Variants in CCNY observed in about 807,000 individuals in gnomAD.
The protein encoded by CCNY is cyclin Y.
A neutral mutation model predicts 42.8 loss-of-function variants in CCNY; 19 were observed. The ratio of observed to expected loss-of-function variants is 0.44; its 90% CI spans 0.31 to 0.65. The LOEUF (loss-of-function observed/expected upper bound fraction) is 0.65. Among genes scored for constraint, CCNY ranks in the 30% least tolerant of loss-of-function variants. The pLI is 0.07. For missense variants in CCNY, 370 were observed against 437.3 expected (o/e 0.85, Z 1.37); for synonymous variants, 165 against 162.7 (o/e 1.01, Z -0.11).
At chr10:35,542,556 T>A (rs1841025056) in intron 7 of CCNY, among the ~76,000 whole-genome samples, 1 of 152,192 alleles carries the variant, frequency 6.6e-6, no homozygotes, top group South Asian at 2.1e-4. Context: ...AGAAGAGTGC[T>A]TGTTACATCA....
At chr10:35,566,449 A>G (rs1419310370) in intron 9 of CCNY, among the ~76,000 whole-genome samples, 3 of 152,138 alleles carry the variant, frequency 2.0e-5, no homozygotes, top group Non-Finnish European at 4.4e-5. Context: ...AGTTAAAGCA[A>G]TTCTGCTTCA....
chr10:35,365,147 G>C (rs955494899), intron 1 of CCNY, among the ~76,000 whole-genome samples: 1 of 152,118 alleles, frequency 6.6e-6, no homozygotes, highest in Non-Finnish European at 1.5e-5. Context: ...TGTTTATTGA[G>C]CTGGTAACGT....
chr10:35,398,728 G>A (rs528205768), intron 1 of CCNY, among the ~76,000 whole-genome samples: 38 of 151,778 alleles, frequency 2.5e-4, no homozygotes, highest in Admixed American at 1.9e-3. Context: ...ACAAAAAACC[G>A]TAAAGTGACC....
At chr10:35,270,642 C>T (rs1030571743) in intron 3 of CCNY, among the ~76,000 whole-genome samples, 1 of 152,034 alleles carries the variant, frequency 6.6e-6, no homozygotes, top group East Asian at 1.9e-4. Context: ...ATCATGCTGT[C>T]GCTTTTTTGT....
intron 4 of CCNY, among the ~76,000 whole-genome samples, chr10:35,519,280 T>G (rs553382504): frequency 3.0e-3 from 453 of 151,836 alleles, no homozygotes; most frequent in African/African-American, 0.011. Context: ...ATCTGGATTT[T>G]TAACAGATCT....
intron 1 of CCNY, among the ~76,000 whole-genome samples, chr10:35,380,958 G>A (rs1420697704): frequency 2.0e-5 from 3 of 152,136 alleles, no homozygotes; most frequent in African/African-American, 4.8e-5. Context: ...GGCTTGAAGC[G>A]TCCGAGTACC....
chr10:35,325,009 C>CA (rs1835863328), intron 3 of CCNY, among the ~76,000 whole-genome samples: 1 of 152,170 alleles, frequency 6.6e-6, no homozygotes, highest in African/African-American at 2.4e-5. Flanking sequence ...TAAGTGTCAA[C>CA]ATACTATAAA....
In CCNY at chr10:35,426,319, G is replaced by T. The variant is rs1265064927; in HGVS notation, c.155-57085G>T. Among the ~76,000 whole-genome samples, 5 of 152,128 alleles carry T rather than the reference G, an allele frequency of 3.3e-5. No individual in the cohort carries two copies. In the South Asian group the frequency reaches 1.0e-3, roughly 32 times the overall value. On this transcript the variant is annotated intron_variant, in intron 1 of 9. Transcript: ENST00000374704. ...CTCAAACCTTCTCTGCAAACATGCT[G>T]TGTTGTCCAGTTTTCCAGCTGTCAG...
At chr10:35,508,961 A>G (rs1244960033) in intron 3 of CCNY, among the ~76,000 whole-genome samples, 2 of 152,084 alleles carry the variant, frequency 1.3e-5, no homozygotes, top group African/African-American at 2.4e-5. Context: ...TCTATTTTGG[A>G]TATTTTATAT....
chr10:35,532,400 G>A (rs943965884), intron 7 of CCNY, among the ~76,000 whole-genome samples: 5 of 152,224 alleles, frequency 3.3e-5, no homozygotes, highest in Non-Finnish European at 5.9e-5. Context: ...AGCCCTGGCC[G>A]TGCTTCCCAC....
intron 4 of CCNY, among the ~76,000 whole-genome samples, chr10:35,519,320 G>A (rs934237168): frequency 1.3e-5 from 2 of 151,988 alleles, no homozygotes; most frequent in African/African-American, 4.8e-5. Flanking sequence ...CATTCTCTGG[G>A]TATCTGGATT....
chr10:35,568,822 T>C (rs1376967049), intron 9 of CCNY, among the ~76,000 whole-genome samples: 1 of 152,238 alleles, frequency 6.6e-6, no homozygotes, highest in Admixed American at 6.5e-5. Flanking sequence ...TGTACTGTTA[T>C]TTCACATCCT....
intron 1 of CCNY, among the ~76,000 whole-genome samples, chr10:35,363,067 G>C (rs1201812520): frequency 6.6e-6 from 1 of 150,964 alleles, no homozygotes; most frequent in Non-Finnish European, 1.5e-5. Context: ...CTTCCCAGAT[G>C]GTGGGCCGCC....
At chr10:35,291,366 T>A (rs536277936) in intron 3 of CCNY, among the ~76,000 whole-genome samples, 1 of 152,276 alleles carries the variant, frequency 6.6e-6, no homozygotes, top group Non-Finnish European at 1.5e-5. Context: ...GGTACATCCA[T>A]GTTATAGCAT....
At chr10:35,462,268 A>G (rs939288322) in intron 1 of CCNY, among the ~76,000 whole-genome samples, 1 of 152,212 alleles carries the variant, frequency 6.6e-6, no homozygotes, top group South Asian at 2.1e-4. Flanking sequence ...GCTCGTTTTG[A>G]TGCCTCTTTA....
intron 2 of CCNY, among the ~76,000 whole-genome samples, chr10:35,489,042 G>C (rs1259325892): frequency 6.6e-6 from 1 of 152,182 alleles, no homozygotes; most frequent in Non-Finnish European, 1.5e-5. Context: ...CACTTTGGGA[G>C]GCTGAGGCAA....
intron 1 of CCNY, 95 bp downstream of exon 1, chr10:35,337,302 G>C (rs1836064358): frequency 7.8e-7 from 1 of 1,287,178 alleles, no homozygotes; most frequent in African/African-American, 1.5e-5. Context: ...TGCCCAGCCG[G>C]TCTCGGCGAC....
At chr10:35,483,285 AG>A (rs1564429107) in intron 1 of CCNY, 118 bp from the exon 2 acceptor site, 1 of 679,142 alleles carries the variant, frequency 1.5e-6, no homozygotes, top group East Asian at 2.8e-5. Context: ...TAATAGCTAT[AG>A]GTTTCCAGAA....
At chr10:35,347,752 A>G (rs1400033928) in intron 1 of CCNY, among the ~76,000 whole-genome samples, 1 of 152,070 alleles carries the variant, frequency 6.6e-6, no homozygotes, top group Admixed American at 6.5e-5. Context: ...TGATTATATG[A>G]TCTTAGGATT....
Sources: gnomAD v4.1 joint callset for allele counts (sites outside exome capture counted in the v4.1 genomes callset) on GRCh38, gnomAD v4.1.1 for gene constraint, MANE v1.5 for transcripts, NCBI Gene and HGNC (gene_info 2026-07-23, HGNC 2026-07-21) for gene names.